The following LEKR1 variants were observed in gnomAD, a reference collection of about 807,000 sequenced individuals.
The protein encoded by LEKR1 is leucine, glutamate and lysine rich 1.
Under a neutral mutation model 72.4 loss-of-function variants are expected in LEKR1, and 59 were observed. The ratio of observed to expected loss-of-function variants is 0.82; its 90% CI spans 0.66 to 1.01. The LOEUF is 1.01. Among genes scored for constraint, LEKR1 ranks in the 50% least tolerant of loss-of-function variants. The probability of loss-of-function intolerance (pLI) is 0.00; values close to 1 mark genes in which losing one functional copy is unlikely to be tolerated. For missense variants in LEKR1, 728 were observed against 759.2 expected (o/e 0.96, Z 0.48); for synonymous variants, 257 against 263.2 (o/e 0.98, Z 0.23).
intron 3 of LEKR1, among the ~76,000 whole-genome samples, chr3:156,915,065 C>A (rs1266499296): frequency 6.6e-6 from 1 of 151,920 alleles, no homozygotes; most frequent in Non-Finnish European, 1.5e-5. Context: ...GCTGTGTTAG[C>A]TTGCTAAGGA....
intron 3 of LEKR1, among the ~76,000 whole-genome samples, chr3:156,883,146 GTA>G (rs1425338473): frequency 6.7e-6 from 1 of 149,384 alleles, no homozygotes; most frequent in Non-Finnish European, 1.5e-5. Flanking sequence ...AAAACTTAAA[GTA>G]TAATAATAAT....
At chr3:156,882,270 T>C (rs1719469022) in intron 3 of LEKR1, among the ~76,000 whole-genome samples, 1 of 151,500 alleles carries the variant, frequency 6.6e-6, no homozygotes. Flanking sequence ...AGGGCTAATA[T>C]CCAGAATCTA....
rs985338122 is a variant in LEKR1, at chr3:157,045,982, C to G, written c.*232C>G. ...ATTAAGTTGTTGGTATTCCAGAGGT[C>G]CGATTTCTATGTTTATGTTGGAATG... On this transcript the variant is annotated 3_prime_UTR_variant, in exon 13 of 13. Transcript: ENST00000356539. The G allele has an allele frequency of 1.3e-5, 6 of 474,788 alleles. No individual in the cohort carries two copies. Among genetic ancestry groups the G allele is most frequent in the African/African-American group, 7.7e-5 (4 of 51,736 alleles). 29.4% of individuals were successfully genotyped at this position (474,788 alleles called of 1,614,324 possible).
At chr3:156,939,507 A>G (rs942520943) in intron 5 of LEKR1, among the ~76,000 whole-genome samples, 3 of 152,218 alleles carry the variant, frequency 2.0e-5, no homozygotes, top group Non-Finnish European at 2.9e-5. Flanking sequence ...ATATTGCACA[A>G]TATTATTCAG....
intron 3 of LEKR1, among the ~76,000 whole-genome samples, chr3:156,855,716 T>G (rs954927887): frequency 1.1e-4 from 16 of 152,080 alleles, no homozygotes; most frequent in African/African-American, 3.9e-4. Context: ...CAAAAGAGAA[T>G]TTATTGGAAG....
chr3:156,828,183 G>C (rs574765025), intron 1 of LEKR1, among the ~76,000 whole-genome samples: 1 of 152,358 alleles, frequency 6.6e-6, no homozygotes, highest in South Asian at 2.1e-4. Context: ...ACTGAAATGA[G>C]TCTTTGTGCT....
intron 3 of LEKR1, among the ~76,000 whole-genome samples, chr3:156,877,080 C>G (rs1718686582): frequency 6.6e-6 from 1 of 152,088 alleles, no homozygotes; most frequent in Non-Finnish European, 1.5e-5. Context: ...TTGAGATGAT[C>G]ATGATTTTTA....
chr3:156,849,681 A>G lies in LEKR1; in HGVS notation c.49-3087A>G, dbSNP rs940924322. Among the ~76,000 whole-genome samples, 11 of 152,124 alleles carry G rather than the reference A, an allele frequency of 7.2e-5. No individual in the cohort carries two copies. The South Asian group carries it at 8.3e-4, about 11-fold the overall frequency. On this transcript the variant is annotated intron_variant, in intron 2 of 12. Coordinates refer to ENST00000356539, the MANE Select transcript of LEKR1 (RefSeq NM_001004316.3). Reference sequence around the variant, plus strand: ...GAAAGGATTCCCTATTTAATAAATGATGCTGGGAAAACTGGCCAGCCATAT... The same window carrying G: ...GAAAGGATTCCCTATTTAATAAATGGTGCTGGGAAAACTGGCCAGCCATAT...
rs899145021 is a variant in LEKR1, at chr3:157,011,490, A to G, written c.1187A>G (p.Asp396Gly). ...CTTAGACAGAAGCTGCTGAGTGATG[A>G]TAACTGGAAGGAGAAGGTAATGGTA... Reference protein sequence around the residue: ...ETLRQKLLSDDNWKEKIEAEL... With the variant: ...ETLRQKLLSDGNWKEKIEAEL... The change falls in exon 10 of 13, where the codon GAT becomes GGT. Residue 396 changes from aspartate (D) to glycine (G), a missense_variant. Transcript: ENST00000356539. The G allele has an allele frequency of 6.2e-7, 1 of 1,611,912 alleles. No homozygotes were observed. The highest frequency in any genetic ancestry group is 1.3e-5 in the African/African-American group (1 of 74,994).
In LEKR1 at chr3:156,927,560, C is replaced by T; in HGVS notation, c.515C>T (p.Ala172Val). Reference sequence around the variant, plus strand: ...CAAAACTGGACTTCATTGAAAGGAGCAGTTTTTCTACAAATTAAATCTATA... The same window carrying T: ...CAAAACTGGACTTCATTGAAAGGAGTAGTTTTTCTACAAATTAAATCTATA... Reference protein sequence around the residue: ...NYQNWTSLKGAVFLQIKSISE... With the variant: ...NYQNWTSLKGVVFLQIKSISE... Residue 172 changes from alanine (A) to valine (V), a missense_variant, in exon 5 of 13, where the codon GCA (alanine) becomes GTA (valine). Coordinates refer to ENST00000356539, the MANE Select transcript of LEKR1 (RefSeq NM_001004316.3). 8.1e-7 allele frequency: 1 copy of T among 1,239,228 alleles called. No individual in the cohort carries two copies. The highest frequency in any genetic ancestry group is 6.5e-5 in the East Asian group (1 of 15,268). 76.8% of individuals were successfully genotyped at this position (1,239,228 alleles called of 1,614,324 possible).
intron 4 of LEKR1, among the ~76,000 whole-genome samples, chr3:156,924,296 T>A (rs984444941): frequency 6.6e-6 from 1 of 152,200 alleles, no homozygotes; most frequent in African/African-American, 2.4e-5. Flanking sequence ...ATCTCAAATA[T>A]TTTGCCAATT....
chr3:156,983,325 G>A (rs1576945892), intron 7 of LEKR1, among the ~76,000 whole-genome samples: 1 of 152,106 alleles, frequency 6.6e-6, no homozygotes, highest in South Asian at 2.1e-4. Flanking sequence ...ACAGAGAAGG[G>A]AGTGAGACCT....
intron 5 of LEKR1, among the ~76,000 whole-genome samples, chr3:156,927,861 GT>G (rs1724868254): frequency 6.6e-6 from 1 of 151,866 alleles, no homozygotes. Flanking sequence ...AGTAATCTAT[GT>G]TTTTAAAACT....
chr3:157,034,901 C>T (rs751811834), intron 12 of LEKR1, among the ~76,000 whole-genome samples: 12 of 152,070 alleles, frequency 7.9e-5, no homozygotes, highest in Admixed American at 2.0e-4. Flanking sequence ...CAACTTCTGC[C>T]TCCCAGGTTC....
At chr3:156,875,992 CAAAAAAAAAAAAAA>C (rs55816001) in intron 3 of LEKR1, among the ~76,000 whole-genome samples, 2 of 70,188 alleles carry the variant, frequency 2.8e-5, no homozygotes, top group African/African-American at 5.4e-5. Flanking sequence ...GACTCCATCT[CAAAAAAAAAAAAAA>C]AAAAAAAAAA....
Position 156,829,382 on chromosome 3 carries a change from G to A in LEKR1, c.48+5G>A. On this transcript the variant is annotated splice_donor_5th_base_variant and intron_variant, in intron 2 of 12. Transcript: ENST00000356539. The stretch of plus-strand genomic sequence containing the variant: ...TTGCCTGAAGAAATCCAAAAGGTAT[G>A]ATATATTGTGTTGCTACAGCCTAAC... 6.5e-7 allele frequency: 1 copy of A among 1,529,332 alleles called. No individual in the cohort carries two copies. Among genetic ancestry groups the A allele is most frequent in the Non-Finnish European group, 8.8e-7 (1 of 1,141,602 alleles). 94.7% of individuals were successfully genotyped at this position (1,529,332 alleles called of 1,614,324 possible).
rs1715523543 is a variant in LEKR1 at position 156,852,707 on chromosome 3, T to C, written c.49-61T>C. The C allele has an allele frequency of 3.5e-5, 27 of 778,960 alleles. No individual in the cohort carries two copies. In the East Asian group the frequency reaches 7.0e-4, roughly 20 times the overall value. 48.3% of individuals were successfully genotyped at this position (778,960 alleles called of 1,614,324 possible). On this transcript the variant is annotated intron_variant, in intron 2 of 12. Transcript: ENST00000356539. ...TTCAACCAGCATGGCTACAATATCT[T>C]CAGTTGAACTTGTTTTTTCAGAATT...
chr3:156,828,424 CA>C (rs1711930042), intron 1 of LEKR1, among the ~76,000 whole-genome samples: 1 of 151,954 alleles, frequency 6.6e-6, no homozygotes, highest in Non-Finnish European at 1.5e-5. Flanking sequence ...TCATCTGAAA[CA>C]TAAGATCTTT....
intron 4 of LEKR1, chr3:156,924,551 C>T (rs1014883567): frequency 3.9e-5 from 26 of 670,202 alleles, no homozygotes; most frequent in Non-Finnish European, 6.8e-5. Context: ...GAAGGATTTT[C>T]TCCTGTATTT....
Sources: allele counts gnomAD v4.1 joint callset (sites outside exome capture counted in the v4.1 genomes callset), GRCh38; gene constraint gnomAD v4.1.1; transcripts MANE v1.5; gene names NCBI Gene and HGNC (gene_info 2026-07-23, HGNC 2026-07-21).